The following ZNF732 variants were observed in gnomAD, a reference collection of about 807,000 sequenced individuals.
The protein encoded by ZNF732 is zinc finger protein LOC654254.
Under a neutral mutation model 11.5 loss-of-function variants are expected in ZNF732, and 12 were observed. That is an observed-to-expected ratio of 1.05 (90% CI 0.67 to 1.70). ZNF732 has a LOEUF of 1.70. Ranked by LOEUF, ZNF732 falls within the 40% of genes most tolerant of loss-of-function variation. ZNF732 has a pLI of 0.00. For missense variants in ZNF732, 702 were observed against 676.9 expected (o/e 1.04, Z -0.41); for synonymous variants, 231 against 236.5 (o/e 0.98, Z 0.21).
At chr4:283,153 T>C (rs1245129411) in intron 3 of ZNF732, among the ~76,000 whole-genome samples, 1 of 152,110 alleles carries the variant, frequency 6.6e-6, no homozygotes, top group African/African-American at 2.4e-5. Flanking sequence ...AGTGGGTCTA[T>C]CATAAAAGTG....
chr4:272,237 T>C lies in ZNF732; in HGVS notation c.620A>G (p.Tyr207Cys), dbSNP rs1553837842. Residue 207 changes from tyrosine to cysteine, a missense_variant, in exon 4 of 4, where the codon TAT (tyrosine) becomes TGT (cysteine). Tyr to Cys is a radical substitution (Grantham distance 194, BLOSUM62 -2). Around this residue, in one of 3 missense-constraint regions of ZNF732, gnomAD observed 596 missense variants for 557.9 expected, o/e 1.07. Coordinates refer to ENST00000419098, the MANE Select transcript of ZNF732 (RefSeq NM_001137608.3). ...CEECGKDFKWYLIFNEYEIIH... is the reference protein window; with the variant it reads ...CEECGKDFKWCLIFNEYEIIH... ...TATCTCATATTCATTAAAGATTAAA[T>C]ACCATTTAAAGTCTTTGCCACATTC... The C allele has an allele frequency of 2.5e-6, 4 of 1,610,230 alleles. No individual in the cohort carries two copies. The highest frequency in any genetic ancestry group is 2.5e-6 in the Non-Finnish European group (3 of 1,178,250).
At chr4:288,499 G>A (rs1322537031) in intron 3 of ZNF732, among the ~76,000 whole-genome samples, 2 of 152,152 alleles carry the variant, frequency 1.3e-5, no homozygotes, top group Non-Finnish European at 2.9e-5. Flanking sequence ...TAAAGAGACT[G>A]TCTTTTTCTT....
chr4:294,973 T>C (rs1394780204), intron 3 of ZNF732, among the ~76,000 whole-genome samples: 1 of 152,194 alleles, frequency 6.6e-6, no homozygotes, highest in Non-Finnish European at 1.5e-5. Context: ...CTCTATAGGA[T>C]TAAAAATCAC....
rs781792392 is a variant in ZNF732 at position 285,066 on chromosome 4, C to A, written c.226+10372G>T. Among the ~76,000 whole-genome samples the A allele has an allele frequency of 8.0e-4, 121 of 152,032 alleles. 2 individuals are homozygous for A. The highest frequency in any genetic ancestry group is 1.5e-4 in the Non-Finnish European group (10 of 68,008). ...TATTTTACATTTATATTTACAATAA[C>A]CACATCCAACAATTTTGCCTAGAAC... On this transcript the variant is annotated intron_variant, in intron 3 of 3. Transcript: ENST00000419098.
In ZNF732 at chr4:270,964, T is replaced by G; in HGVS notation, c.*135A>C. 1.2e-6 allele frequency: 1 copy of G among 857,084 alleles called. No individual in the cohort carries two copies. Among genetic ancestry groups the G allele is most frequent in the African/African-American group, 1.7e-5 (1 of 59,386 alleles). 53.1% of individuals were successfully genotyped at this position (857,084 alleles called of 1,614,324 possible). On this transcript the variant is annotated 3_prime_UTR_variant, in exon 4 of 4. Coordinates refer to ENST00000419098, the MANE Select transcript of ZNF732 (RefSeq NM_001137608.3). ...TTTTTCTCCAGTATGAATTCTTACT[T>G]TCATTCAGGGTTGTGGACCATCCAA...
intron 3 of ZNF732, among the ~76,000 whole-genome samples, chr4:295,061 C>A (rs1313740138): frequency 6.6e-6 from 1 of 151,858 alleles, no homozygotes. Flanking sequence ...CACTACTCAC[C>A]GTGCACATTT....
intron 3 of ZNF732, among the ~76,000 whole-genome samples, chr4:294,468 C>A (rs553726209): frequency 1.3e-5 from 2 of 152,212 alleles, no homozygotes; most frequent in Admixed American, 1.3e-4. Context: ...AGGCTTCCTA[C>A]TAAATAAGAC....
chr4:275,867 A>G (rs781962884), intron 3 of ZNF732, among the ~76,000 whole-genome samples: 1 of 151,820 alleles, frequency 6.6e-6, no homozygotes, highest in South Asian at 2.1e-4. Flanking sequence ...TTGACTTTAA[A>G]ATAAAAAACA....
intron 3 of ZNF732, among the ~76,000 whole-genome samples, chr4:284,891 A>AAAAAAAAAAAAAAAAAAAG (rs782343752): frequency 1.5e-5 from 2 of 129,118 alleles, no homozygotes; most frequent in Admixed American, 8.8e-5. Flanking sequence ...AAAAAAAAAA[A>AAAAAAAAAAAAAAAAAAAG]AAGAAGAAGA....
Position 271,350 on chromosome 4 carries a change from C to A in ZNF732, c.1507G>T (p.Glu503Ter), listed in dbSNP as rs566267637. Residue 503 changes from glutamate (E) to a stop codon, truncating the protein, a stop_gained, in exon 4 of 4, where the codon GAA (glutamate) becomes TAA (stop). Coordinates refer to ENST00000419098, the MANE Select transcript of ZNF732 (RefSeq NM_001137608.3). LOFTEE classifies it low-confidence loss of function (END_TRUNC). ...KTIHTGEKPY[E>*]CEECGKAFGW... is the part of the protein sequence containing the mutation. The stretch of plus-strand genomic sequence containing the variant: ...AAGGCTTTGCCACACTCTTCACATT[C>A]GTAAGGTTTCTCTCCAGTATGAATT... 1.7e-5 allele frequency: 26 copies of A among 1,493,942 alleles called. No individual in the cohort carries two copies. In the South Asian group the frequency reaches 3.3e-4, roughly 19 times the overall value. 92.5% of individuals were successfully genotyped at this position (1,493,942 alleles called of 1,614,324 possible).
In ZNF732 at chr4:271,411, G is replaced by C; in HGVS notation, c.1446C>G (p.Ala482=). The change falls in exon 4 of 4, where the codon GCC becomes GCG. Residue 482 remains alanine (A), a synonymous_variant. Transcript: ENST00000419098. ...KPYRCEECGK[A]FLCSRALNKH... ...TATTCAGGGCTCTGGAACATAAAAA[G>C]GCTTTGCCACACTCTTCACATCTAT... The C allele has an allele frequency of 6.3e-7, 1 of 1,589,074 alleles. No homozygotes were observed.
intron 1 of ZNF732, among the ~76,000 whole-genome samples, chr4:296,521 T>G (rs1421068095): frequency 6.6e-6 from 1 of 152,126 alleles, no homozygotes; most frequent in Non-Finnish European, 1.5e-5. Context: ...TCAGAAATGT[T>G]TCCACCCAGA....
In ZNF732 at chr4:272,396, GA is replaced by G. The variant is rs782334422; in HGVS notation, c.460del (p.Ser154GlnfsTer8). On this transcript the variant is annotated frameshift_variant, in exon 4 of 4. Transcript: ENST00000419098. LOFTEE classifies it low-confidence loss of function (END_TRUNC). ...NVHVKVFSTF[S>X]NSNQRRIRHT... ...TCTTATCCTACGTTGGTTTGAATTT[GA>G]AAATGTACTAAATACTTTGACATGT... The G allele has an allele frequency of 2.3e-5, 37 of 1,597,380 alleles. No individual in the cohort carries two copies. Among genetic ancestry groups the G allele is most frequent in the Non-Finnish European group, 3.2e-5 (37 of 1,170,778 alleles).
intron 1 of ZNF732, among the ~76,000 whole-genome samples, chr4:296,676 C>T (rs1257764205): frequency 3.3e-5 from 5 of 152,234 alleles, no homozygotes; most frequent in Admixed American, 6.5e-5. Context: ...ATTTTATATT[C>T]TCGGCCTCAC....
intron 3 of ZNF732, among the ~76,000 whole-genome samples, chr4:293,244 G>GTATA (rs537779142): frequency 0.037 from 5,332 of 143,744 alleles, 140 homozygotes; most frequent in Middle Eastern, 0.066. Flanking sequence ...GTGTGTGTGT[G>GTATA]TATATATATA....
chr4:278,304 A>G (rs1553839083), intron 3 of ZNF732, among the ~76,000 whole-genome samples: 1 of 152,214 alleles, frequency 6.6e-6, no homozygotes, highest in Non-Finnish European at 1.5e-5. Flanking sequence ...AAAATATCCG[A>G]GGCAGGACTT....
intron 3 of ZNF732, among the ~76,000 whole-genome samples, chr4:280,388 G>C (rs1269169199): frequency 6.6e-6 from 1 of 151,356 alleles, no homozygotes; most frequent in East Asian, 1.9e-4. Flanking sequence ...TCAGGAGTTC[G>C]AGACCAGCCT....
intron 1 of ZNF732, among the ~76,000 whole-genome samples, chr4:304,310 T>C (rs1245661830): frequency 2.0e-5 from 3 of 151,450 alleles, no homozygotes; most frequent in Admixed American, 1.3e-4. Flanking sequence ...GTCCCTTCTC[T>C]CCCCGGAAGG....
chr4:281,917 C>T (rs1553839889), intron 3 of ZNF732, among the ~76,000 whole-genome samples: 2 of 151,972 alleles, frequency 1.3e-5, no homozygotes, highest in Non-Finnish European at 1.5e-5. Flanking sequence ...TTAAAAATCT[C>T]GATAAGATGC....
Sources: gnomAD v4.1 joint callset for allele counts (sites outside exome capture counted in the v4.1 genomes callset) on GRCh38, gnomAD v4.1.1 for gene constraint, gnomAD v4.1.1 regional missense constraint, MANE v1.5 for transcripts, NCBI Gene and HGNC (gene_info 2026-07-23, HGNC 2026-07-21) for gene names.